SNTG1: variants seen among roughly 807,000 people sequenced by gnomAD.
SNTG1 encodes gamma-1-syntrophin.
Under a neutral mutation model 74.7 loss-of-function variants are expected in SNTG1, and 39 were observed. The ratio of observed to expected loss-of-function variants is 0.52; its 90% CI spans 0.40 to 0.68. The LOEUF (loss-of-function observed/expected upper bound fraction) is 0.68, where lower values mean the gene tolerates loss of function less well. SNTG1 is among the 30% of genes least tolerant of loss of function. SNTG1 has a pLI of 0.00. For synonymous variants in SNTG1, 254 were observed against 217.1 expected, an observed-to-expected ratio of 1.17 and a Z score of -1.49; for missense variants, 685 against 609.5, an observed-to-expected ratio of 1.12 and a Z score of -1.30.
intron 1 of SNTG1, among the ~76,000 whole-genome samples, chr8:50,032,445 A>G (rs1817811402): frequency 1.3e-5 from 2 of 152,088 alleles, no homozygotes; most frequent in East Asian, 3.9e-4. Flanking sequence ...TTTAGAAAAC[A>G]GCACTCATGG....
At chr8:50,474,278 G>C (rs868442842) in intron 8 of SNTG1, among the ~76,000 whole-genome samples, 10 of 151,662 alleles carry the variant, frequency 6.6e-5, no homozygotes, top group Non-Finnish European at 1.5e-4. Context: ...CACCATCAGA[G>C]TGAACAGGCA....
At chr8:50,527,589 T>G (rs925021011) in intron 9 of SNTG1, among the ~76,000 whole-genome samples, 1 of 152,090 alleles carries the variant, frequency 6.6e-6, no homozygotes, top group African/African-American at 2.4e-5. Context: ...TTATTTCCAC[T>G]AATTTACATG....
Position 50,449,660 on chromosome 8 carries a change from C to T in SNTG1, c.220-8C>T, listed in dbSNP as rs750906383. On this transcript the variant is annotated splice_region_variant and splice_polypyrimidine_tract_variant and intron_variant, in intron 5 of 18. Transcript: ENST00000642720. ...TAAAAAGTACAATATATGATTTTCT[C>T]TTTTCAGGGAGGAGCAGAACATAAC... 10 of 1,581,008 alleles carry T rather than the reference C, an allele frequency of 6.3e-6. No individual in the cohort carries two copies. In the East Asian group the frequency reaches 1.6e-4, roughly 25 times the overall value.
At chr8:50,161,601 G>A (rs2082417815) in intron 1 of SNTG1, among the ~76,000 whole-genome samples, 1 of 152,072 alleles carries the variant, frequency 6.6e-6, no homozygotes, top group Admixed American at 6.6e-5. Context: ...TGGTGTATCT[G>A]TTGTGTGTTC....
chr8:50,701,292 T>G (rs1004378917), intron 15 of SNTG1, among the ~76,000 whole-genome samples: 2 of 152,150 alleles, frequency 1.3e-5, no homozygotes, highest in African/African-American at 4.8e-5. Flanking sequence ...CATACTAAAA[T>G]TTTTGCTATA....
chr8:50,474,164 G>C lies in SNTG1; in HGVS notation c.363+23435G>C, dbSNP rs1340149963. The stretch of plus-strand genomic sequence containing the variant: ...CAATACCATTCAGGACATAGGCATG[G>C]GCAAGGACTTCACGTCTAAAACACC... On this transcript the variant is annotated intron_variant, in intron 8 of 18. Coordinates refer to ENST00000642720, the MANE Select transcript of SNTG1 (RefSeq NM_018967.5). 3.3e-5 allele frequency among the ~76,000 whole-genome samples: 5 copies of C among 151,896 alleles called. No individual in the cohort carries two copies. In the East Asian group the frequency reaches 9.7e-4, roughly 29 times the overall value.
At chr8:50,617,143 A>C (rs1402633499) in intron 13 of SNTG1, among the ~76,000 whole-genome samples, 1 of 152,056 alleles carries the variant, frequency 6.6e-6, no homozygotes, top group Non-Finnish European at 1.5e-5. Flanking sequence ...TCCGCATAAC[A>C]CTTATCACTG....
chr8:50,603,668 C>A (rs1409612208), intron 13 of SNTG1, among the ~76,000 whole-genome samples: 1 of 152,060 alleles, frequency 6.6e-6, no homozygotes, highest in Non-Finnish European at 1.5e-5. Context: ...GGAGGCTTTC[C>A]AGCTATTCGA....
intron 1 of SNTG1, among the ~76,000 whole-genome samples, chr8:49,962,492 C>T (rs983249230): frequency 4.0e-5 from 6 of 151,704 alleles, no homozygotes; most frequent in African/African-American, 1.5e-4. Context: ...TAAAAAGAGC[C>T]GGGTCTTGTT....
intron 1 of SNTG1, among the ~76,000 whole-genome samples, chr8:50,103,404 T>C (rs2080228378): frequency 1.3e-5 from 2 of 152,198 alleles, no homozygotes; most frequent in South Asian, 2.1e-4. Flanking sequence ...TTTTGTACAT[T>C]GATTTTGTAT....
chr8:50,236,417 C>G (rs1409944165), intron 2 of SNTG1, among the ~76,000 whole-genome samples: 1 of 150,978 alleles, frequency 6.6e-6, no homozygotes, highest in Admixed American at 6.6e-5. Flanking sequence ...TGATAAAAAG[C>G]TCTGAATGTT....
chr8:50,729,655 A>G (rs1268657788), intron 17 of SNTG1, among the ~76,000 whole-genome samples: 1 of 152,138 alleles, frequency 6.6e-6, no homozygotes, highest in African/African-American at 2.4e-5. Flanking sequence ...AATTTCATAG[A>G]GTAGTATTCA....
chr8:50,540,361 A>C (rs1430512204), intron 11 of SNTG1, among the ~76,000 whole-genome samples: 2 of 152,118 alleles, frequency 1.3e-5, no homozygotes, highest in Admixed American at 1.3e-4. Flanking sequence ...GTATAATTTC[A>C]TGCTAGATGA....
intron 13 of SNTG1, among the ~76,000 whole-genome samples, chr8:50,619,122 T>C (rs1234385951): frequency 6.6e-6 from 1 of 152,200 alleles, no homozygotes; most frequent in Non-Finnish European, 1.5e-5. Context: ...TGATTTTCTA[T>C]GATAGAGCAT....
chr8:50,406,258 C>T (rs1321634691), intron 4 of SNTG1, among the ~76,000 whole-genome samples: 3 of 151,986 alleles, frequency 2.0e-5, no homozygotes, highest in African/African-American at 7.2e-5. Flanking sequence ...AGTCTTTCAA[C>T]CCCTTGCTTA....
intron 18 of SNTG1, among the ~76,000 whole-genome samples, chr8:50,768,557 T>A (rs1371478717): frequency 2.0e-5 from 3 of 152,034 alleles, no homozygotes; most frequent in African/African-American, 7.2e-5. Flanking sequence ...GTATTTGGGA[T>A]CAAGGCTCTC....
At chr8:50,583,394 C>CAAAAAAAA (rs58794829) in intron 12 of SNTG1, among the ~76,000 whole-genome samples, 1 of 82,424 alleles carries the variant, frequency 1.2e-5, no homozygotes, top group African/African-American at 5.4e-5. Context: ...GAGTGAGACT[C>CAAAAAAAA]AAAAAAAAAA....
At chr8:50,266,281 T>G (rs1383047187) in intron 2 of SNTG1, among the ~76,000 whole-genome samples, 1 of 152,036 alleles carries the variant, frequency 6.6e-6, no homozygotes, top group Non-Finnish European at 1.5e-5. Context: ...GAAAAATAAG[T>G]CTCACATTTA....
At chr8:49,946,822 T>C (rs1008725964) in intron 1 of SNTG1, among the ~76,000 whole-genome samples, 10 of 152,336 alleles carry the variant, frequency 6.6e-5, no homozygotes, top group African/African-American at 9.6e-5. Context: ...TAATAGGACA[T>C]GTAACTTCTA....
Sources: allele counts gnomAD v4.1 joint callset (sites outside exome capture counted in the v4.1 genomes callset), GRCh38; gene constraint gnomAD v4.1.1; transcripts MANE v1.5; gene names NCBI Gene and HGNC (gene_info 2026-07-23, HGNC 2026-07-21).